The following SRSF11 variants were observed in gnomAD, a reference collection of about 807,000 sequenced individuals.
SRSF11 encodes the protein serine and arginine rich splicing factor 11, also known as serine/arginine-rich splicing factor 11.
A neutral mutation model predicts 56.0 loss-of-function variants in SRSF11; 9 were observed. The ratio of observed to expected loss-of-function variants is 0.16; its 90% CI spans 0.10 to 0.28. SRSF11 has a LOEUF of 0.28. SRSF11 is among the 10% of genes least tolerant of loss of function. The pLI is 1.00. For missense variants in SRSF11, 421 were observed against 600.7 expected, an observed-to-expected ratio of 0.70 and a Z score of 3.13; for synonymous variants, 222 against 215.3, an observed-to-expected ratio of 1.03 and a Z score of -0.27.
Position 70,235,535 on chromosome 1 carries a change from G to A in SRSF11, c.575G>A (p.Ser192Asn). The A allele has an allele frequency of 6.2e-7, 1 of 1,612,016 alleles. No individual in the cohort carries two copies. The highest frequency in any genetic ancestry group is 8.5e-7 in the Non-Finnish European group (1 of 1,179,440). The change falls in exon 5 of 12, where the codon AGT (serine) becomes AAT (asparagine). Residue 192 changes from serine (S) to asparagine (N), a missense_variant. Coordinates refer to ENST00000370949, the MANE Select transcript of SRSF11 (RefSeq NM_001350605.2). ...LAADQLLKLMSTVDPKLNHVA... is the reference protein window; with the variant it reads ...LAADQLLKLMNTVDPKLNHVA... ...GCAGATCAGTTGCTGAAGCTTATGA[G>A]TACTGTTGATCCCAAGTAAGCGTTT...
At chr1:70,221,955 G>A in intron 1 of SRSF11, 116 bp downstream of exon 1, 1 of 1,467,842 alleles carries the variant, frequency 6.8e-7, no homozygotes, top group Non-Finnish European at 9.0e-7. Context: ...TTGAGTGGCT[G>A]GTGGCTGGTG....
At chr1:70,225,861 C>A (rs1011669265) in intron 1 of SRSF11, among the ~76,000 whole-genome samples, 7 of 152,172 alleles carry the variant, frequency 4.6e-5, no homozygotes, top group African/African-American at 1.4e-4. Context: ...AGCAGTACTT[C>A]CACAGAATTT....
chr1:70,205,752 G>T, exon 1 of SRSF11: 2 of 472,860 alleles, frequency 4.2e-6, no homozygotes, highest in Non-Finnish European at 7.6e-6. Context: ...GCCGGTGCCG[G>T]CCTAGCGTCC....
rs183609892 is a variant in SRSF11 at position 70,207,081 on chromosome 1, G to A, written c.-26+1301G>A. The stretch of plus-strand genomic sequence containing the variant: ...AATTTTTATATTTTTTAGTAGAGAC[G>A]GAGTTTCGCCATGTTGGTCAGGCTG... On this transcript the variant is annotated intron_variant, in intron 1 of 12. Coordinates refer to the SRSF11 transcript ENST00000370950. Among the ~76,000 whole-genome samples the A allele has an allele frequency of 5.3e-3, 808 of 151,862 alleles. 6 individuals carry two copies. The highest frequency in any genetic ancestry group is 0.018 in the African/African-American group (764 of 41,410).
chr1:70,212,771 A>G (rs945956370), intron 1 of SRSF11, among the ~76,000 whole-genome samples: 2 of 152,200 alleles, frequency 1.3e-5, no homozygotes, highest in Non-Finnish European at 2.9e-5. Context: ...TTAGTCATCA[A>G]TTGAAAAGAT....
intron 5 of SRSF11, among the ~76,000 whole-genome samples, chr1:70,236,305 ATTT>A (rs945224704): frequency 7.0e-6 from 1 of 142,946 alleles, no homozygotes; most frequent in African/African-American, 2.6e-5. Flanking sequence ...GTTGTCTATA[ATTT>A]TTTTTTCTTT....
upstream of SRSF11, among the ~76,000 whole-genome samples, chr1:70,218,016 G>A (rs1670173950): frequency 6.6e-6 from 1 of 152,032 alleles, no homozygotes; most frequent in Non-Finnish European, 1.5e-5. Context: ...TTGAGACGGA[G>A]TCTTGCTCTG....
At chr1:70,216,038 G>A (rs527333889) in intron 1 of SRSF11, among the ~76,000 whole-genome samples, 1 of 151,958 alleles carries the variant, frequency 6.6e-6, no homozygotes, top group Non-Finnish European at 1.5e-5. Flanking sequence ...CACCCACCTC[G>A]GCCTCCCAAA....
chr1:70,250,525 T>C, intron 11 of SRSF11, 22 bp downstream of exon 11: 1 of 1,606,790 alleles, frequency 6.2e-7, no homozygotes, highest in African/African-American at 1.3e-5. Context: ...AATTGATTTA[T>C]TTTTATATTT....
intron 1 of SRSF11, among the ~76,000 whole-genome samples, chr1:70,226,121 G>A (rs879278366): frequency 1.3e-5 from 2 of 151,818 alleles, no homozygotes; most frequent in African/African-American, 2.4e-5. Context: ...AACCTGGGAG[G>A]TGGAGGTTGC....
At chr1:70,212,284 T>C (rs183635495) in intron 1 of SRSF11, among the ~76,000 whole-genome samples, 285 of 152,308 alleles carry the variant, frequency 1.9e-3, no homozygotes, top group African/African-American at 6.7e-3. Flanking sequence ...TGAGATGCAG[T>C]CTCACTCTGT....
chr1:70,231,319 T>G, intron 2 of SRSF11: 1 of 1,156,592 alleles, frequency 8.6e-7, no homozygotes, highest in Non-Finnish European at 1.1e-6. Context: ...CTTGGGCACA[T>G]TAACAGATTA....
chr1:70,206,260 G>A (rs1669010143), intron 1 of SRSF11, among the ~76,000 whole-genome samples: 1 of 152,136 alleles, frequency 6.6e-6, no homozygotes, highest in South Asian at 2.1e-4. Flanking sequence ...GGATTTTTGA[G>A]CCCTAAAAAG....
intron 1 of SRSF11, among the ~76,000 whole-genome samples, chr1:70,213,194 T>C (rs765461163): frequency 5.3e-5 from 8 of 152,182 alleles, no homozygotes; most frequent in Non-Finnish European, 1.0e-4. Context: ...TCTTAGAAAC[T>C]TCAAATGGCA....
chr1:70,230,616 C>T (rs1672664136), intron 2 of SRSF11: 1 of 1,284,000 alleles, frequency 7.8e-7, no homozygotes, highest in Non-Finnish European at 1.0e-6. Flanking sequence ...TGAAAATTAA[C>T]TGGTGAGGGG....
chr1:70,250,824 T>C lies in SRSF11; in HGVS notation c.*19T>C, dbSNP rs757547423. 1.4e-5 allele frequency: 23 copies of C among 1,597,268 alleles called. No individual in the cohort carries two copies. In the East Asian group the frequency reaches 4.7e-4, roughly 33 times the overall value. On this transcript the variant is annotated 3_prime_UTR_variant, in exon 12 of 12. Coordinates refer to ENST00000370949, the MANE Select transcript of SRSF11 (RefSeq NM_001350605.2). ...TGACTGAATATTGCCTCTGAGGGAG[T>C]CCAACTGTATACCTGCATCAGTGTC...
At chr1:70,210,541 T>C (rs1669471246) in intron 1 of SRSF11, among the ~76,000 whole-genome samples, 1 of 152,168 alleles carries the variant, frequency 6.6e-6, no homozygotes, top group Admixed American at 6.5e-5. Context: ...CTTGAAACTC[T>C]GTCTCTACAA....
intron 1 of SRSF11, among the ~76,000 whole-genome samples, chr1:70,224,308 A>G (rs1558161897): frequency 6.6e-6 from 1 of 152,094 alleles, no homozygotes; most frequent in Non-Finnish European, 1.5e-5. Flanking sequence ...TTTTTCCCCT[A>G]GACATATCTG....
At chr1:70,239,630 A>G (rs1674875785) in intron 7 of SRSF11, 110 bp downstream of exon 7, 3 of 766,250 alleles carry the variant, frequency 3.9e-6, no homozygotes, top group Non-Finnish European at 6.3e-6. Context: ...TGTTTTAGTA[A>G]CCTCTGCTGT....
Sources: allele counts gnomAD v4.1 joint callset (sites outside exome capture counted in the v4.1 genomes callset), GRCh38; gene constraint gnomAD v4.1.1; transcripts MANE v1.5; gene names NCBI Gene and HGNC (gene_info 2026-07-23, HGNC 2026-07-21).